The following AUTS2 variants were observed in gnomAD, a reference collection of about 807,000 sequenced individuals.
AUTS2 encodes autism susceptibility gene 2 protein.
In AUTS2, 17 loss-of-function variants were observed where a neutral mutation model predicts 112.4. That is an observed-to-expected ratio of 0.15 (90% CI 0.10 to 0.23). The LOEUF (loss-of-function observed/expected upper bound fraction) is 0.23, where lower values mean the gene tolerates loss of function less well. Among genes scored for constraint, AUTS2 ranks in the 10% least tolerant of loss-of-function variants. The pLI is 1.00. For missense variants in AUTS2, 1,510 were observed against 1,701.6 expected (o/e 0.89, Z 1.98); for synonymous variants, 751 against 702.7 (o/e 1.07, Z -1.09).
At chr7:70,394,112 A>G (rs963661848) in intron 4 of AUTS2, among the ~76,000 whole-genome samples, 1 of 148,794 alleles carries the variant, frequency 6.7e-6, no homozygotes, top group Non-Finnish European at 1.5e-5. Flanking sequence ...AATTCACCTT[A>G]CACAGTCATA....
intron 5 of AUTS2, among the ~76,000 whole-genome samples, chr7:70,472,391 C>T (rs1257747736): frequency 2.0e-5 from 3 of 148,364 alleles, no homozygotes; most frequent in Non-Finnish European, 3.0e-5. Context: ...TTCCCAGTAC[C>T]GTAACTTATA....
At chr7:70,481,561 C>A (rs1797788337) in intron 5 of AUTS2, among the ~76,000 whole-genome samples, 1 of 152,176 alleles carries the variant, frequency 6.6e-6, no homozygotes, top group Non-Finnish European at 1.5e-5. Context: ...TCACCCTGGC[C>A]CATTTAACTG....
At chr7:70,254,894 C>G (rs539784497) in intron 4 of AUTS2, among the ~76,000 whole-genome samples, 1 of 152,128 alleles carries the variant, frequency 6.6e-6, no homozygotes, top group African/African-American at 2.4e-5. Context: ...AATCCTAAAA[C>G]TGGTTAGTGG....
At chr7:70,018,978 A>G (rs1322315619) in intron 2 of AUTS2, among the ~76,000 whole-genome samples, 1 of 152,198 alleles carries the variant, frequency 6.6e-6, no homozygotes, top group African/African-American at 2.4e-5. Context: ...TCATTGCAGT[A>G]CTACTCACAG....
intron 4 of AUTS2, among the ~76,000 whole-genome samples, chr7:70,349,108 C>A (rs1377552407): frequency 6.6e-6 from 1 of 152,172 alleles, no homozygotes; most frequent in African/African-American, 2.4e-5. Context: ...ACCCATTTTA[C>A]AAATGAACAA....
intron 1 of AUTS2, among the ~76,000 whole-genome samples, chr7:69,623,582 T>A (rs921597065): frequency 6.6e-6 from 1 of 151,898 alleles, no homozygotes; most frequent in Non-Finnish European, 1.5e-5. Flanking sequence ...TAACATCAAG[T>A]TCCAGTATAG....
chr7:70,363,494 A>G (rs1474117226), intron 4 of AUTS2, among the ~76,000 whole-genome samples: 1 of 150,636 alleles, frequency 6.6e-6, no homozygotes, highest in South Asian at 2.1e-4. Context: ...ATCTGAAGCT[A>G]TTGATAGTCT....
At chr7:70,346,286 C>T (rs2129621457) in intron 4 of AUTS2, among the ~76,000 whole-genome samples, 1 of 152,226 alleles carries the variant, frequency 6.6e-6, no homozygotes, top group South Asian at 2.1e-4. Context: ...TATCATGTCT[C>T]TAAAAATCTC....
intron 1 of AUTS2, among the ~76,000 whole-genome samples, chr7:69,758,986 G>C (rs773865296): frequency 3.3e-5 from 5 of 152,176 alleles, no homozygotes; most frequent in Non-Finnish European, 7.3e-5. Flanking sequence ...AAATGTGGGT[G>C]AGGATAATAA....
chr7:70,147,930 G>A (rs1807220494), intron 4 of AUTS2, among the ~76,000 whole-genome samples: 1 of 151,888 alleles, frequency 6.6e-6, no homozygotes, highest in Non-Finnish European at 1.5e-5. Flanking sequence ...TCTTCTTGAT[G>A]TTCCCAAAAT....
intron 6 of AUTS2, among the ~76,000 whole-genome samples, chr7:70,718,096 C>T (rs961216760): frequency 2.0e-5 from 3 of 152,178 alleles, no homozygotes; most frequent in Admixed American, 6.5e-5. Context: ...ACAGCTGTTT[C>T]GTGGTCTGTC....
chr7:70,307,364 A>G (rs1364277797), intron 4 of AUTS2, among the ~76,000 whole-genome samples: 3 of 152,206 alleles, frequency 2.0e-5, no homozygotes, highest in African/African-American at 4.8e-5. Flanking sequence ...GGAGCTGTCC[A>G]TTGGCTACTG....
intron 2 of AUTS2, among the ~76,000 whole-genome samples, chr7:69,986,679 A>G (rs1798527592): frequency 6.6e-6 from 1 of 152,236 alleles, no homozygotes; most frequent in South Asian, 2.1e-4. Flanking sequence ...TAGAAAGTGT[A>G]CACATCAGCA....
chr7:70,473,341 T>C (rs1350561525), intron 5 of AUTS2, among the ~76,000 whole-genome samples: 1 of 152,198 alleles, frequency 6.6e-6, no homozygotes, highest in African/African-American at 2.4e-5. Flanking sequence ...GCAACAAACC[T>C]GCATAGTTAG....
intron 5 of AUTS2, among the ~76,000 whole-genome samples, chr7:70,692,184 C>T (rs1016075426): frequency 6.6e-6 from 1 of 152,150 alleles, no homozygotes; most frequent in Non-Finnish European, 1.5e-5. Flanking sequence ...CAATCTAATG[C>T]AAGGCATGAT....
At chr7:69,977,389 T>G (rs968309390) in intron 2 of AUTS2, among the ~76,000 whole-genome samples, 1 of 152,216 alleles carries the variant, frequency 6.6e-6, no homozygotes, top group East Asian at 1.9e-4. Context: ...CCTTTAACTT[T>G]GTTCTTTTTC....
intron 4 of AUTS2, among the ~76,000 whole-genome samples, chr7:70,232,343 G>C (rs1812099439): frequency 6.6e-6 from 1 of 151,884 alleles, no homozygotes; most frequent in Admixed American, 6.6e-5. Flanking sequence ...CTTTCTATGA[G>C]CATACATACG....
chr7:69,806,536 G>A (rs893088038), intron 1 of AUTS2, among the ~76,000 whole-genome samples: 6 of 151,936 alleles, frequency 3.9e-5, no homozygotes, highest in African/African-American at 9.7e-5. Flanking sequence ...GTGCCATCAC[G>A]GCTTACTGTA....
intron 4 of AUTS2, among the ~76,000 whole-genome samples, chr7:70,413,973 C>T (rs1011566185): frequency 3.9e-5 from 6 of 152,278 alleles, no homozygotes; most frequent in African/African-American, 1.4e-4. Flanking sequence ...CCATGCCTGG[C>T]CTCTCTTTAA....
Sources: allele counts gnomAD v4.1 joint callset (sites outside exome capture counted in the v4.1 genomes callset), GRCh38; gene constraint gnomAD v4.1.1; transcripts MANE v1.5; gene names NCBI Gene and HGNC (gene_info 2026-07-23, HGNC 2026-07-21).